Variants in TAFA4 observed in about 807,000 individuals in gnomAD.
The protein encoded by TAFA4 is chemokine-like protein TAFA-4.
Under a neutral mutation model 21.1 loss-of-function variants are expected in TAFA4, and 20 were observed. That is an observed-to-expected ratio of 0.95 (90% CI 0.67 to 1.38). The LOEUF is 1.38. TAFA4 is among the 40% of genes most tolerant of loss of function. The pLI, the probability that TAFA4 is intolerant of heterozygous loss-of-function variation, is 0.00. For synonymous variants in TAFA4, 71 were observed against 67.4 expected (o/e 1.05, Z -0.26); for missense variants, 211 against 180.9 (o/e 1.17, Z -0.95).
chr3:68,911,743 G>T (rs1425270526), intron 1 of TAFA4, among the ~76,000 whole-genome samples: 1 of 152,202 alleles, frequency 6.6e-6, no homozygotes, highest in African/African-American at 2.4e-5. Flanking sequence ...CGGTATGTCA[G>T]AAACGGTCAA....
At chr3:68,925,268 C>T (rs1271911558) in intron 1 of TAFA4, among the ~76,000 whole-genome samples, 1 of 152,088 alleles carries the variant, frequency 6.6e-6, no homozygotes, top group Non-Finnish European at 1.5e-5. Flanking sequence ...ATGAAGAAAG[C>T]TGCGACTCTG....
intron 1 of TAFA4, among the ~76,000 whole-genome samples, chr3:68,928,795 T>C (rs773055402): frequency 2.0e-5 from 3 of 152,050 alleles, no homozygotes; most frequent in African/African-American, 7.2e-5. Flanking sequence ...CCAGTCTTCA[T>C]TGGAAAGTGC....
At chr3:68,885,065 G>A (rs779900901) in intron 2 of TAFA4, 110 bp downstream of exon 2, 6 of 1,005,346 alleles carry the variant, frequency 6.0e-6, no homozygotes, top group African/African-American at 1.6e-5. Context: ...CCCAAAAAGT[G>A]TAAAAGCAGG....
intron 3 of TAFA4, among the ~76,000 whole-genome samples, chr3:68,822,090 T>C (rs77501223): frequency 0.018 from 2,675 of 152,302 alleles, 80 homozygotes; most frequent in African/African-American, 0.061. Flanking sequence ...CTTGTTTACT[T>C]GTGGCTGCCA....
At chr3:68,914,518 C>G (rs1341573106) in intron 1 of TAFA4, among the ~76,000 whole-genome samples, 1 of 152,006 alleles carries the variant, frequency 6.6e-6, no homozygotes, top group Non-Finnish European at 1.5e-5. Context: ...GTGATGTGAC[C>G]TTATGTGTAA....
intron 1 of TAFA4, among the ~76,000 whole-genome samples, chr3:68,890,839 G>A (rs936501075): frequency 4.6e-5 from 7 of 152,176 alleles, no homozygotes; most frequent in African/African-American, 1.7e-4. Flanking sequence ...TTCTGTCTGT[G>A]GCTGAATTTG....
intron 1 of TAFA4, among the ~76,000 whole-genome samples, chr3:68,914,839 G>A (rs769103551): frequency 6.6e-5 from 10 of 152,090 alleles, no homozygotes; most frequent in Non-Finnish European, 1.5e-4. Flanking sequence ...TGAGAATCGT[G>A]TTGACCTTCC....
At chr3:68,784,437 CGCTGGCTCAGGGGTAAA>C (rs1239140131) in intron 3 of TAFA4, among the ~76,000 whole-genome samples, 3 of 151,980 alleles carry the variant, frequency 2.0e-5, no homozygotes, top group Non-Finnish European at 4.4e-5. Flanking sequence ...TTCACGGTCT[CGCTGGCTCAGGGGTAAA>C]GCTGGCTCAG....
intron 4 of TAFA4, among the ~76,000 whole-genome samples, chr3:68,740,123 T>C (rs1033425882): frequency 1.3e-5 from 2 of 152,236 alleles, no homozygotes; most frequent in Non-Finnish European, 2.9e-5. Flanking sequence ...CTTCTCTTAG[T>C]GTCAGTTTCT....
At chr3:68,801,717 CT>C (rs1225480809) in intron 3 of TAFA4, among the ~76,000 whole-genome samples, 2 of 152,064 alleles carry the variant, frequency 1.3e-5, no homozygotes, top group African/African-American at 4.8e-5. Context: ...AAAATCAAGG[CT>C]GTTATATTGG....
chr3:68,862,170 C>T (rs945705627), intron 3 of TAFA4, among the ~76,000 whole-genome samples: 3 of 152,084 alleles, frequency 2.0e-5, no homozygotes, highest in African/African-American at 7.2e-5. Flanking sequence ...CGACACTTAA[C>T]AAGTTAGGGG....
chr3:68,931,521 C>T (rs573510389), intron 1 of TAFA4, among the ~76,000 whole-genome samples: 22 of 152,260 alleles, frequency 1.4e-4, no homozygotes, highest in African/African-American at 5.3e-4. Flanking sequence ...GAGCTCCTTG[C>T]GTAGGGTCAA....
intron 3 of TAFA4, among the ~76,000 whole-genome samples, chr3:68,797,241 C>T (rs1703470019): frequency 6.6e-6 from 1 of 152,130 alleles, no homozygotes; most frequent in Non-Finnish European, 1.5e-5. Flanking sequence ...AAGACAGAAG[C>T]AACCCAAATG....
chr3:68,744,862 T>C (rs1702428586), intron 4 of TAFA4, among the ~76,000 whole-genome samples: 1 of 152,200 alleles, frequency 6.6e-6, no homozygotes, highest in South Asian at 2.1e-4. Context: ...AGTGATGCTT[T>C]CTTCTAAAAA....
chr3:68,879,196 C>A (rs1361545778), intron 3 of TAFA4, among the ~76,000 whole-genome samples: 2 of 152,140 alleles, frequency 1.3e-5, no homozygotes, highest in Non-Finnish European at 2.9e-5. Context: ...GCAGATAACA[C>A]TCTGCAACTT....
intron 3 of TAFA4, among the ~76,000 whole-genome samples, chr3:68,879,907 C>T (rs2089596093): frequency 6.6e-6 from 1 of 152,178 alleles, no homozygotes; most frequent in Non-Finnish European, 1.5e-5. Context: ...ACATTTCTGG[C>T]ACTGCCACGC....
chr3:68,883,982 C>G (rs887525118), intron 2 of TAFA4, among the ~76,000 whole-genome samples: 2 of 148,940 alleles, frequency 1.3e-5, no homozygotes, highest in African/African-American at 2.5e-5. Context: ...GAGGGAAAGA[C>G]AAAAAAAAAT....
intron 3 of TAFA4, among the ~76,000 whole-genome samples, chr3:68,818,307 G>A (rs1704032679): frequency 6.6e-6 from 1 of 152,174 alleles, no homozygotes; most frequent in African/African-American, 2.4e-5. Flanking sequence ...GATTAAGCAT[G>A]TTACTAGAGT....
intron 3 of TAFA4, among the ~76,000 whole-genome samples, chr3:68,839,641 A>G: frequency 6.6e-6 from 1 of 152,142 alleles, no homozygotes; most frequent in African/African-American, 2.4e-5. Flanking sequence ...AAATCATTCA[A>G]ATTCCTCTTT....
Sources: allele counts gnomAD v4.1 joint callset (sites outside exome capture counted in the v4.1 genomes callset), GRCh38; gene constraint gnomAD v4.1.1; transcripts MANE v1.5; gene names NCBI Gene and HGNC (gene_info 2026-07-23, HGNC 2026-07-21).